The following PCDHGA2 variants were observed in gnomAD, a reference collection of about 807,000 sequenced individuals.
PCDHGA2 encodes protocadherin gamma subfamily A, 2.
PCDHGA2 carries 40 observed loss-of-function variants against 59.2 expected under a neutral mutation model. The ratio of observed to expected loss-of-function variants is 0.68; its 90% confidence interval spans 0.52 to 0.88. The LOEUF (loss-of-function observed/expected upper bound fraction) is 0.88, where lower values mean the gene tolerates loss of function less well. PCDHGA2 is among the 40% of genes least tolerant of loss of function. The pLI is 0.00. For missense variants in PCDHGA2, 1,226 were observed against 1,204.0 expected, an observed-to-expected ratio of 1.02 and a Z score of -0.27; for synonymous variants, 560 against 526.0, an observed-to-expected ratio of 1.06 and a Z score of -0.89.
intron 1 of PCDHGA2, chr5:141,388,423 TGATA>T: frequency 2.5e-6 from 4 of 1,613,948 alleles, no homozygotes; most frequent in Non-Finnish European, 3.4e-6. Flanking sequence ...CATTTCTCAC[TGATA>T]AATAAAGAGA....
chr5:141,393,898 C>T lies in PCDHGA2; in HGVS notation c.2424+52503C>T, dbSNP rs182092307. On this transcript the variant is annotated intron_variant, in intron 1 of 3. Transcript: ENST00000394576. ...AGCCCAGTGTTAGAAAATTCTCTTC[C>T]CGGGACAGTAATTGCCTTCTTGAGT... The T allele has an allele frequency of 3.0e-5, 49 of 1,613,956 alleles. No individual in the cohort carries two copies. The African/African-American group carries it at 5.1e-4, about 17-fold the overall frequency.
At chr5:141,441,878 TG>T in intron 1 of PCDHGA2, 1 of 343,708 alleles carries the variant, frequency 2.9e-6, no homozygotes, top group Non-Finnish European at 5.6e-6. Context: ...CCTGGCTACC[TG>T]GTCACCAAGG....
chr5:141,372,231 G>A, intron 1 of PCDHGA2: 2 of 1,613,374 alleles, frequency 1.2e-6, no homozygotes, highest in Non-Finnish European at 8.5e-7. Flanking sequence ...GCAGGCCAGC[G>A]AGCCCGGGCT....
At chr5:141,361,200 C>T (rs1235032205) in intron 1 of PCDHGA2, 1 of 1,613,940 alleles carries the variant, frequency 6.2e-7, no homozygotes. Flanking sequence ...TATCTACTCC[C>T]CTACCGGAGG....
intron 1 of PCDHGA2, among the ~76,000 whole-genome samples, chr5:141,471,768 T>A (rs1203999329): frequency 6.6e-6 from 1 of 152,174 alleles, no homozygotes; most frequent in Non-Finnish European, 1.5e-5. Context: ...GGTCAAAAGA[T>A]GAGTTTGACA....
intron 1 of PCDHGA2, among the ~76,000 whole-genome samples, chr5:141,473,916 A>T (rs1014065718): frequency 2.6e-5 from 4 of 152,162 alleles, no homozygotes; most frequent in Non-Finnish European, 4.4e-5. Flanking sequence ...TCTTAAGAAA[A>T]CTATGAGCTG....
Position 141,486,632 on chromosome 5 carries a change from A to G in PCDHGA2, c.2425-8175A>G, listed in dbSNP as rs1304397413. The G allele has an allele frequency of 6.2e-7, 1 of 1,613,580 alleles. No individual in the cohort carries two copies. Among genetic ancestry groups the G allele is most frequent in the Non-Finnish European group, 8.5e-7 (1 of 1,180,040 alleles). ...AGCCTCTGACCCAGACTCTGGCTTG[A>G]ATGCGCTTATCTCCTACTCACTCCT... On this transcript the variant is annotated intron_variant, in intron 1 of 3. Coordinates refer to ENST00000394576, the MANE Select transcript of PCDHGA2 (RefSeq NM_018915.4). This position sits in a 1 kb window ranked among gnomAD's most constrained non-coding sequence, Gnocchi z 5.0.
intron 1 of PCDHGA2, chr5:141,411,955 A>C (rs1427605209): frequency 6.6e-5 from 10 of 152,244 alleles, no homozygotes; most frequent in African/African-American, 1.2e-4. Context: ...TTTGAAGAAA[A>C]AAGATAAAAT....
At chr5:141,481,220 C>T (rs896803040) in intron 1 of PCDHGA2, among the ~76,000 whole-genome samples, 1 of 152,130 alleles carries the variant, frequency 6.6e-6, no homozygotes, top group African/African-American at 2.4e-5. Context: ...GGTAAGGTCT[C>T]CCAGCCTTAA....
intron 1 of PCDHGA2, among the ~76,000 whole-genome samples, chr5:141,484,021 G>A (rs892390865): frequency 2.6e-5 from 4 of 151,080 alleles, no homozygotes; most frequent in African/African-American, 9.7e-5. Context: ...GGGGTGGGGT[G>A]AGATCAAGTC....
In PCDHGA2 at chr5:141,350,355, G is replaced by A. The variant is rs762723957; in HGVS notation, c.2424+8960G>A. The stretch of plus-strand genomic sequence containing the variant: ...TGCGGGGCCATCTCCCAGCAGATCC[G>A]ATACACGATTCCAGAGGAGCTAGCC... On this transcript the variant is annotated intron_variant, in intron 1 of 3. Coordinates refer to ENST00000394576, the MANE Select transcript of PCDHGA2 (RefSeq NM_018915.4). 2 of 1,565,846 alleles carry A rather than the reference G, an allele frequency of 1.3e-6. No homozygotes were observed. Among genetic ancestry groups the A allele is most frequent in the Non-Finnish European group, 1.7e-6 (2 of 1,155,674 alleles).
Position 141,418,514 on chromosome 5 carries a change from G to A in PCDHGA2, c.2425-76293G>A. Reference sequence around the variant, plus strand: ...GGTACTGACCGCCTTAGATGGTGGGGACCCTCCCCGAAGCGGTACTGCTCA... The same window carrying A: ...GGTACTGACCGCCTTAGATGGTGGGAACCCTCCCCGAAGCGGTACTGCTCA... On this transcript the variant is annotated intron_variant, in intron 1 of 3. Transcript: ENST00000394576. 1 of 1,613,996 alleles carries A rather than the reference G, an allele frequency of 6.2e-7. No homozygotes were observed.
intron 1 of PCDHGA2, among the ~76,000 whole-genome samples, chr5:141,443,537 T>C (rs986467958): frequency 6.6e-6 from 1 of 152,180 alleles, no homozygotes; most frequent in African/African-American, 2.4e-5. Flanking sequence ...ATTTAAAGCT[T>C]GGGAAATTGT....
chr5:141,418,840 C>A, intron 1 of PCDHGA2: 1 of 1,614,006 alleles, frequency 6.2e-7, no homozygotes, highest in Non-Finnish European at 8.5e-7. Context: ...GAGGATCTCT[C>A]TCAACACGGT....
At chr5:141,346,338 A>G (rs764697085) in intron 1 of PCDHGA2, 1 of 1,613,950 alleles carries the variant, frequency 6.2e-7, no homozygotes, top group South Asian at 1.1e-5. Context: ...GAGCCACCTG[A>G]TTTTCCCCCA....
rs768509409 is a variant in PCDHGA2 at position 141,489,236 on chromosome 5, G to C, written c.2425-5571G>C. 1 of 1,531,176 alleles carries C rather than the reference G, an allele frequency of 6.5e-7. No homozygotes were observed. 94.8% of individuals were successfully genotyped at this position (1,531,176 alleles called of 1,614,324 possible). On this transcript the variant is annotated intron_variant, in intron 1 of 3. Transcript: ENST00000394576. The surrounding 1 kb of genome is among the most constrained non-coding windows in gnomAD (Gnocchi z 4.5). The stretch of plus-strand genomic sequence containing the variant: ...ACTTACTCTCCACAAAGGGACTTCT[G>C]GGTCATGGGGCCCAAGACACTCCCA...
At chr5:141,388,858 T>C (rs1217000654) in intron 1 of PCDHGA2, 1 of 1,613,984 alleles carries the variant, frequency 6.2e-7, no homozygotes, top group Non-Finnish European at 8.5e-7. Context: ...GGTGGAGGAA[T>C]GATTGCGCAA....
intron 1 of PCDHGA2, among the ~76,000 whole-genome samples, chr5:141,492,920 G>A (rs2099745093): frequency 6.6e-6 from 1 of 152,198 alleles, no homozygotes; most frequent in African/African-American, 2.4e-5. Context: ...TGTGCCCAGC[G>A]ATCTAGGGTC....
intron 1 of PCDHGA2, among the ~76,000 whole-genome samples, chr5:141,446,448 T>C (rs954515926): frequency 2.6e-5 from 4 of 152,028 alleles, no homozygotes; most frequent in Non-Finnish European, 5.9e-5. Context: ...ACAGTGCAGA[T>C]ATTCAGTGTG....
Sources: gnomAD v4.1 joint callset for allele counts (sites outside exome capture counted in the v4.1 genomes callset) on GRCh38, gnomAD v4.1.1 for gene constraint, Gnocchi (gnomAD v3.1) non-coding constraint, MANE v1.5 for transcripts, NCBI Gene and HGNC (gene_info 2026-07-23, HGNC 2026-07-21) for gene names.